LRRC4C: variants seen among roughly 807,000 people sequenced by gnomAD.
LRRC4C encodes leucine-rich repeat-containing protein 4C.
A neutral mutation model predicts 33.6 loss-of-function variants in LRRC4C; 5 were observed. That is an observed-to-expected ratio of 0.15 (90% CI 0.08 to 0.31). LRRC4C has a LOEUF of 0.31. Among genes scored for constraint, LRRC4C ranks in the 10% least tolerant of loss-of-function variants. LRRC4C has a pLI of 1.00. For missense variants in LRRC4C, 560 were observed against 796.7 expected, an observed-to-expected ratio of 0.70 and a Z score of 3.58; for synonymous variants, 329 against 302.0, an observed-to-expected ratio of 1.09 and a Z score of -0.93.
At chr11:40,917,940 T>C (rs1349190939) in intron 2 of LRRC4C, among the ~76,000 whole-genome samples, 1 of 152,136 alleles carries the variant, frequency 6.6e-6, no homozygotes, top group South Asian at 2.1e-4. Flanking sequence ...GGGTTTGACA[T>C]CCTTTGCATA....
Position 40,976,513 on chromosome 11 carries a change from C to A in LRRC4C, c.-495-42790G>T, listed in dbSNP as rs189792690. Reference sequence around the variant, plus strand: ...ACTGGTGATCAAAAGCTGTATACAGCAAAAATAATTAAAGTGAAGAAAGGC... The same window carrying A: ...ACTGGTGATCAAAAGCTGTATACAGAAAAAATAATTAAAGTGAAGAAAGGC... On this transcript the variant is annotated intron_variant, in intron 1 of 6. Transcript: ENST00000528697. Among the ~76,000 whole-genome samples, 227 of 152,174 alleles carry A rather than the reference C, an allele frequency of 1.5e-3. 2 individuals carry two copies. The highest frequency in any genetic ancestry group is 5.4e-3 in the African/African-American group (223 of 41,514).
chr11:40,144,077 G>T (rs1046886041), intron 5 of LRRC4C, among the ~76,000 whole-genome samples: 1 of 152,034 alleles, frequency 6.6e-6, no homozygotes, highest in Non-Finnish European at 1.5e-5. Flanking sequence ...TGTGGCTTGT[G>T]GGAAGTTATA....
intron 2 of LRRC4C, among the ~76,000 whole-genome samples, chr11:40,744,898 G>A (rs1164269872): frequency 1.3e-5 from 2 of 152,104 alleles, no homozygotes; most frequent in African/African-American, 4.8e-5. Flanking sequence ...ATAGGTAGAT[G>A]TATATCGATT....
intron 2 of LRRC4C, among the ~76,000 whole-genome samples, chr11:40,919,825 G>T (rs1216045853): frequency 2.1e-4 from 32 of 151,784 alleles, no homozygotes; most frequent in Admixed American, 2.1e-3. Context: ...TAAAAATTAG[G>T]CCATTGCAAA....
At chr11:40,606,371 C>T (rs1202714407) in intron 3 of LRRC4C, among the ~76,000 whole-genome samples, 2 of 152,130 alleles carry the variant, frequency 1.3e-5, no homozygotes. Context: ...CACAACACAT[C>T]CACAAGAAAA....
At chr11:41,231,970 A>G (rs1006588224) in intron 1 of LRRC4C, among the ~76,000 whole-genome samples, 3 of 151,812 alleles carry the variant, frequency 2.0e-5, no homozygotes, top group Non-Finnish European at 2.9e-5. Flanking sequence ...AGCCTTTACT[A>G]CTGGTCTAGA....
intron 3 of LRRC4C, among the ~76,000 whole-genome samples, chr11:40,573,557 A>T (rs2135579178): frequency 6.6e-6 from 1 of 152,292 alleles, no homozygotes; most frequent in South Asian, 2.1e-4. Flanking sequence ...CCTTTTCAGA[A>T]ATTTATGAGC....
At chr11:41,039,089 C>A (rs1857263990) in intron 1 of LRRC4C, among the ~76,000 whole-genome samples, 1 of 151,948 alleles carries the variant, frequency 6.6e-6, no homozygotes, top group South Asian at 2.1e-4. Context: ...TCATTAAATC[C>A]TTCTTATTTT....
intron 5 of LRRC4C, among the ~76,000 whole-genome samples, chr11:40,235,045 G>A (rs1865462897): frequency 1.3e-5 from 2 of 152,130 alleles, no homozygotes; most frequent in South Asian, 2.1e-4. Flanking sequence ...TACCCTGATT[G>A]CAGCACTTTT....
chr11:40,461,734 A>G (rs1952407838), intron 3 of LRRC4C, among the ~76,000 whole-genome samples: 1 of 149,614 alleles, frequency 6.7e-6, no homozygotes, highest in African/African-American at 2.4e-5. Flanking sequence ...TTATATTATA[A>G]TAATCTTCTT....
chr11:40,142,054 G>A lies in LRRC4C; in HGVS notation c.-95-1201C>T, dbSNP rs140626313. Among the ~76,000 whole-genome samples the A allele has an allele frequency of 2.7e-3, 417 of 152,112 alleles. 1 individual carries two copies. The highest frequency in any genetic ancestry group is 9.6e-3 in the African/African-American group (398 of 41,510). ...TCCCAGCACTCTCGGAGGCCGAGGT[G>A]GGTGGATCACCTGATGTCAGGAGTT... On this transcript the variant is annotated intron_variant, in intron 5 of 6. Transcript: ENST00000528697.
At chr11:41,182,373 C>T (rs1945490377) in intron 1 of LRRC4C, among the ~76,000 whole-genome samples, 1 of 152,114 alleles carries the variant, frequency 6.6e-6, no homozygotes, top group South Asian at 2.1e-4. Context: ...TCTGAAATTT[C>T]AGGCCATATG....
chr11:40,318,143 T>C lies in LRRC4C; in HGVS notation c.-176+1485A>G, dbSNP rs1349085268. Reference sequence around the variant, plus strand: ...TATGCCAAATAATATCAAATATAGATATCACCTCCCAGATAGTAAGCCTAT... The same window carrying C: ...TATGCCAAATAATATCAAATATAGACATCACCTCCCAGATAGTAAGCCTAT... On this transcript the variant is annotated intron_variant, in intron 4 of 6. Transcript: ENST00000528697. 2.0e-5 allele frequency among the ~76,000 whole-genome samples: 3 copies of C among 152,128 alleles called. No homozygotes were observed. The East Asian group carries it at 5.8e-4, about 29-fold the overall frequency.
At chr11:40,718,062 TC>T (rs1200762218) in intron 2 of LRRC4C, among the ~76,000 whole-genome samples, 6 of 152,216 alleles carry the variant, frequency 3.9e-5, no homozygotes, top group African/African-American at 1.4e-4. Flanking sequence ...TGTATACATA[TC>T]CACAACTTTA....
intron 1 of LRRC4C, among the ~76,000 whole-genome samples, chr11:41,455,086 A>G (rs1009695900): frequency 3.9e-5 from 6 of 152,220 alleles, no homozygotes; most frequent in Middle Eastern, 3.4e-3. Context: ...TCTCAATACC[A>G]TATTCTCTTG....
intron 1 of LRRC4C, among the ~76,000 whole-genome samples, chr11:41,309,336 C>T (rs767448120): frequency 4.6e-5 from 7 of 152,196 alleles, no homozygotes; most frequent in Admixed American, 1.3e-4. Flanking sequence ...CAGCAATTAC[C>T]ATCCACTAAG....
At chr11:40,319,197 T>C (rs2136833613) in intron 4 of LRRC4C, among the ~76,000 whole-genome samples, 1 of 152,316 alleles carries the variant, frequency 6.6e-6, no homozygotes, top group East Asian at 1.9e-4. Context: ...CTCTTCCTTC[T>C]TCTTGGTCAG....
chr11:41,043,988 A>G (rs1465724670), intron 1 of LRRC4C, among the ~76,000 whole-genome samples: 2 of 152,074 alleles, frequency 1.3e-5, no homozygotes, highest in African/African-American at 2.4e-5. Context: ...CATATATCCA[A>G]TCATTCCCTC....
chr11:40,157,000 C>G (rs1389516598), intron 5 of LRRC4C, among the ~76,000 whole-genome samples: 2 of 152,154 alleles, frequency 1.3e-5, no homozygotes, highest in Non-Finnish European at 2.9e-5. Context: ...CATCACACTA[C>G]CTGATTTCAA....
Sources: gnomAD v4.1 joint callset for allele counts (sites outside exome capture counted in the v4.1 genomes callset) on GRCh38, gnomAD v4.1.1 for gene constraint, MANE v1.5 for transcripts, NCBI Gene and HGNC (gene_info 2026-07-23, HGNC 2026-07-21) for gene names.